Variants in PLEKHA4 observed in about 807,000 individuals in gnomAD.
The protein encoded by PLEKHA4 is pleckstrin homology domain-containing family A member 4.
In PLEKHA4, 73 loss-of-function variants were observed where a neutral mutation model predicts 94.7. The observed-to-expected ratio is 0.77, with a 90% CI of 0.64 to 0.94. PLEKHA4 has a LOEUF of 0.94. PLEKHA4 is among the 40% of genes least tolerant of loss of function. PLEKHA4 has a pLI of 0.00. For missense variants in PLEKHA4, 1,049 were observed against 1,054.1 expected, an observed-to-expected ratio of 1.00 and a Z score of 0.07; for synonymous variants, 449 against 437.1, an observed-to-expected ratio of 1.03 and a Z score of -0.34.
At chr19:48,866,035 G>A (rs2036823230) in intron 2 of PLEKHA4, among the ~76,000 whole-genome samples, 1 of 151,380 alleles carries the variant, frequency 6.6e-6, no homozygotes, top group African/African-American at 2.4e-5. Flanking sequence ...AAAAAAGAAA[G>A]AAAGAAAAGG....
intron 13 of PLEKHA4, among the ~76,000 whole-genome samples, chr19:48,851,636 T>G (rs1037764440): frequency 1.3e-5 from 2 of 149,130 alleles, no homozygotes; most frequent in African/African-American, 4.9e-5. Context: ...CAAAAAAAAA[T>G]GTTGTAAAAT....
chr19:48,838,252 T>A, intron 18 of PLEKHA4, 123 bp from the exon 19 acceptor site: 4 of 550,472 alleles, frequency 7.3e-6, no homozygotes, highest in Non-Finnish European at 1.3e-5. Flanking sequence ...ACAGAATGAC[T>A]ATAGTCAATA....
chr19:48,838,102 C>T lies in PLEKHA4; in HGVS notation c.1992G>A (p.Pro664=), dbSNP rs1568530716. 3.1e-6 allele frequency: 5 copies of T among 1,600,344 alleles called. No individual in the cohort carries two copies. Among genetic ancestry groups the T allele is most frequent in the Non-Finnish European group, 3.4e-6 (4 of 1,175,296 alleles). ...CCCGCTCCCGGTGACCTTCGGAAGTCGGCAAGTAAGGGGTGGTGTTCCTTG... is the reference window on the plus strand; with the variant it reads ...CCCGCTCCCGGTGACCTTCGGAAGTTGGCAAGTAAGGGGTGGTGTTCCTTG... ...SSPRNTTPYL[P]TSEGHRERVL... is the part of the protein sequence containing the mutation. The change falls in exon 19 of 20, where the codon CCG becomes CCA. Residue 664 remains proline, a synonymous_variant. Coordinates refer to ENST00000263265, the MANE Select transcript of PLEKHA4 (RefSeq NM_020904.3).
At chr19:48,842,735 CT>C (rs1170302804) in intron 16 of PLEKHA4, among the ~76,000 whole-genome samples, 1 of 152,186 alleles carries the variant, frequency 6.6e-6, no homozygotes, top group Non-Finnish European at 1.5e-5. Context: ...TCTCCAGTCC[CT>C]TTCTCTTGGG....
rs768758877 is a variant in PLEKHA4 at position 48,838,022 on chromosome 19, A to G, written c.2072T>C (p.Met691Thr). The change falls in exon 19 of 20, where the codon ATG (methionine) becomes ACG (threonine). Residue 691 changes from methionine to threonine, a missense_variant. Physicochemically the swap from Met to Thr is moderately conservative, Grantham distance 81. Coordinates refer to ENST00000263265, the MANE Select transcript of PLEKHA4 (RefSeq NM_020904.3). ...CAACATCCCCAGCCAGTCACCTGTC[A>G]TCATTCTGTGCCACTGCGACGCCTC... ...ATEASQWHRM[M>T]TGGNLDSQGD... 2 of 1,611,192 alleles carry G rather than the reference A, an allele frequency of 1.2e-6. No individual in the cohort carries two copies. The highest frequency in any genetic ancestry group is 1.7e-6 in the Non-Finnish European group (2 of 1,177,614).
intron 8 of PLEKHA4, among the ~76,000 whole-genome samples, chr19:48,857,723 C>T (rs895021565): frequency 1.3e-5 from 2 of 150,602 alleles, no homozygotes; most frequent in African/African-American, 2.5e-5. Flanking sequence ...GCAGCATGCT[C>T]GTTAAGAGTC....
At chr19:48,860,632 C>T (rs954690387) in intron 5 of PLEKHA4, among the ~76,000 whole-genome samples, 173 bp from the exon 6 acceptor site, 1 of 151,962 alleles carries the variant, frequency 6.6e-6, no homozygotes, top group African/African-American at 2.4e-5. Flanking sequence ...TCCTTCCGCC[C>T]CCGTCTCTAC....
intron 9 of PLEKHA4, among the ~76,000 whole-genome samples, chr19:48,855,094 G>A (rs2036352013): frequency 6.6e-6 from 1 of 151,932 alleles, no homozygotes; most frequent in South Asian, 2.1e-4. Context: ...ATCAATAATG[G>A]GCTCTTGATC....
chr19:48,864,842 G>A (rs1280684860), intron 3 of PLEKHA4, among the ~76,000 whole-genome samples: 2 of 152,130 alleles, frequency 1.3e-5, no homozygotes, highest in Non-Finnish European at 2.9e-5. Flanking sequence ...AAATGCTGGG[G>A]TTACACCACT....
intron 16 of PLEKHA4, among the ~76,000 whole-genome samples, chr19:48,842,215 G>A (rs1159941481): frequency 7.1e-6 from 1 of 140,570 alleles, no homozygotes; most frequent in East Asian, 2.1e-4. Flanking sequence ...CGCAATCTCT[G>A]CTCACTGCAA....
Position 48,857,724 on chromosome 19 carries a change from G to C in PLEKHA4, c.973-228C>G, listed in dbSNP as rs374051161. ...ACAGATGCTTGAAGGCAGCATGCTC[G>C]TTAAGAGTCATCACCACTCCCTAAT... On this transcript the variant is annotated intron_variant, in intron 8 of 19. Coordinates refer to ENST00000263265, the MANE Select transcript of PLEKHA4 (RefSeq NM_020904.3). Among the ~76,000 whole-genome samples, 45 of 150,862 alleles carry C rather than the reference G, an allele frequency of 3.0e-4. 1 individual carries two copies. Among genetic ancestry groups the C allele is most frequent in the South Asian group, 4.2e-4 (2 of 4,748 alleles).
At chr19:48,851,614 C>T (rs1383058588) in intron 13 of PLEKHA4, among the ~76,000 whole-genome samples, 1 of 150,620 alleles carries the variant, frequency 6.6e-6, no homozygotes, top group African/African-American at 2.4e-5. Flanking sequence ...AAAACTCTGT[C>T]CCCCTCCCCC....
In PLEKHA4 at chr19:48,867,803, T is replaced by C. The variant is rs559709688; in HGVS notation, c.-6-177A>G. ...ATACCAAGAGTGGTGCCAAGAGAGG[T>C]AGGCGGCCCTGGCAGCTGCGGGAGG... is the stretch of plus-strand genomic sequence containing the variant. On this transcript the variant is annotated intron_variant, in intron 1 of 19. Coordinates refer to ENST00000263265, the MANE Select transcript of PLEKHA4 (RefSeq NM_020904.3). The surrounding 1 kb of genome is among the most constrained non-coding windows in gnomAD (Gnocchi z 4.7). 6.6e-6 allele frequency among the ~76,000 whole-genome samples: 1 copy of C among 151,616 alleles called. No homozygotes were observed. Among genetic ancestry groups the C allele is most frequent in the African/African-American group, 2.4e-5 (1 of 41,280 alleles).
Position 48,839,240 on chromosome 19 carries a change from G to T in PLEKHA4, c.1929C>A (p.Ala643=), listed in dbSNP as rs1235478896. ...EQRPVVGHSG[A]QKWLRSSGSW... ...ACCCAGAGCTTCTGAGCCATTTCTG[G>T]GCTCCCGAGTGTCCTACGACAGGCT... is the stretch of plus-strand genomic sequence containing the variant. The change falls in exon 18 of 20, where the codon GCC becomes GCA. Residue 643 remains alanine (A), a synonymous_variant. Transcript: ENST00000263265. 1 of 1,594,328 alleles carries T rather than the reference G, an allele frequency of 6.3e-7. No homozygotes were observed. Among genetic ancestry groups the T allele is most frequent in the South Asian group, 1.1e-5 (1 of 88,854 alleles).
rs757349728 is a variant in PLEKHA4 at position 48,859,637 on chromosome 19, C to T, written c.524G>A (p.Gly175Asp). Residue 175 changes from glycine (G) to aspartate (D), a missense_variant, in exon 7 of 20, where the codon GGC (glycine) becomes GAC (aspartate). By Grantham distance (94) the Gly-to-Asp change is moderately conservative. Coordinates refer to ENST00000263265, the MANE Select transcript of PLEKHA4 (RefSeq NM_020904.3). ...PARPQPGEGP[G>D]GPGGPPEVSR... ...CACCTCCGGGGGACCACCGGGGCCG[C>T]CGGGGCCCTCCCCGGGCTGGGGTCG... is the stretch of plus-strand genomic sequence containing the variant. 3 of 1,612,766 alleles carry T rather than the reference C, an allele frequency of 1.9e-6. No individual in the cohort carries two copies. The Admixed American group carries it at 5.0e-5, about 27-fold the overall frequency.
chr19:48,857,108 C>A (rs1229207531), intron 9 of PLEKHA4, among the ~76,000 whole-genome samples: 2 of 151,902 alleles, frequency 1.3e-5, no homozygotes, highest in Non-Finnish European at 2.9e-5. Flanking sequence ...AACCACAGAA[C>A]CTCAGGAATT....
Position 48,858,996 on chromosome 19 carries a change from C to A in PLEKHA4, c.836G>T (p.Arg279Leu). Reference sequence around the variant, plus strand: ...TTGGGGGCCCCAATCCAGAGGAGGTCGGACATCAATGCGACTCAACGGGGT... The same window carrying A: ...TTGGGGGCCCCAATCCAGAGGAGGTAGGACATCAATGCGACTCAACGGGGT... Reference protein sequence around the residue: ...PHTPLSRIDVRPPLDWGPQRQ... With the variant: ...PHTPLSRIDVLPPLDWGPQRQ... Residue 279 changes from arginine (R) to leucine (L), a missense_variant, in exon 8 of 20, where the codon CGA (arginine) becomes CTA (leucine). Transcript: ENST00000263265. 6.4e-7 allele frequency: 1 copy of A among 1,568,608 alleles called. No homozygotes were observed. The highest frequency in any genetic ancestry group is 1.2e-5 in the South Asian group (1 of 85,872).
At chr19:48,848,161 T>A in intron 13 of PLEKHA4, 121 bp from the exon 14 acceptor site, 2 of 1,164,366 alleles carry the variant, frequency 1.7e-6, no homozygotes, top group Non-Finnish European at 2.4e-6. Flanking sequence ...GGATTTATTT[T>A]TTTTCCCATG....
In PLEKHA4 at chr19:48,859,057, G is replaced by A. The variant is rs200857060; in HGVS notation, c.775C>T (p.Pro259Ser). ...GCAGGGGGTGCTGTGTCTCCTGAGGGGGCAGGGGGTCGCCGCGCAGGGGCA... is the reference window on the plus strand; with the variant it reads ...GCAGGGGGTGCTGTGTCTCCTGAGGAGGCAGGGGGTCGCCGCGCAGGGGCA... The part of the protein sequence containing the change: ...RSAPARRPPA[P>S]SGDTAPPARP... The change falls in exon 8 of 20, where the codon CCC (proline) becomes TCC (serine). Residue 259 changes from proline to serine, a missense_variant. Physicochemically the swap from Pro to Ser is moderately conservative, Grantham distance 74 (BLOSUM62 -1). Coordinates refer to ENST00000263265, the MANE Select transcript of PLEKHA4 (RefSeq NM_020904.3). 7.4e-5 allele frequency: 111 copies of A among 1,494,372 alleles called. No individual in the cohort carries two copies. In the East Asian group the frequency reaches 1.7e-3, roughly 23 times the overall value. The allele number at this position is 1,494,372 out of a possible 1,614,324, so 92.6% of individuals were successfully genotyped here.
Sources: allele counts gnomAD v4.1 joint callset (sites outside exome capture counted in the v4.1 genomes callset), GRCh38; gene constraint gnomAD v4.1.1; non-coding constraint Gnocchi (gnomAD v3.1); transcripts MANE v1.5; gene names NCBI Gene and HGNC (gene_info 2026-07-23, HGNC 2026-07-21).